RYK: variants seen among roughly 807,000 people sequenced by gnomAD.
RYK encodes inactive tyrosine-protein kinase RYK.
A neutral mutation model predicts 70.2 loss-of-function variants in RYK; 21 were observed. The observed-to-expected ratio is 0.30, with a 90% confidence interval of 0.21 to 0.43. The LOEUF is 0.43. Ranked by LOEUF, RYK falls within the 20% of genes least tolerant of loss-of-function variation. The pLI is 1.00. For synonymous variants in RYK, 267 were observed against 278.0 expected, an observed-to-expected ratio of 0.96 and a Z score of 0.39; for missense variants, 604 against 753.3, an observed-to-expected ratio of 0.80 and a Z score of 2.32.
In RYK at chr3:134,195,121, G is replaced by A. The variant is rs954751009; in HGVS notation, c.850C>T (p.Leu284=). ...GCATTGTTGGGCGTGTCTGCTCTCA[G>A]ATACTGAGTCGTCTGGGTGGATGGC... ...SQPSTQTTQY[L]RADTPNNATP... is the part of the protein sequence containing the mutation. Residue 284 remains leucine (L), a synonymous_variant, in exon 7 of 15, where the codon CTG becomes TTG. Transcript: ENST00000623711. 4.3e-6 allele frequency: 7 copies of A among 1,613,528 alleles called. No individual in the cohort carries two copies. The African/African-American group carries it at 9.3e-5, about 22-fold the overall frequency.
At chr3:134,239,296 C>G (rs1017981917) in intron 1 of RYK, among the ~76,000 whole-genome samples, 1 of 151,344 alleles carries the variant, frequency 6.6e-6, no homozygotes, top group African/African-American at 2.4e-5. Flanking sequence ...CTCATCTATA[C>G]AAAAAAAAAT....
rs574005537 is a variant in RYK, at chr3:134,171,207, T to C, written c.1575+4402A>G. The C allele has an allele frequency of 2.0e-5, 3 of 152,346 alleles. No individual in the cohort carries two copies. The South Asian group carries it at 6.2e-4, about 32-fold the overall frequency. The allele number at this position is 152,346 out of a possible 1,614,324, so 9.4% of individuals were successfully genotyped here. ...GCTGCCACATGAACAAGCAACTAAG[T>C]ATTTGGTGTAACTGCATTCTGATGA... On this transcript the variant is annotated intron_variant, in intron 13 of 14. Coordinates refer to ENST00000623711, the MANE Select transcript of RYK (RefSeq NM_002958.4).
chr3:134,227,797 G>A (rs1333045853), intron 1 of RYK, among the ~76,000 whole-genome samples: 1 of 152,112 alleles, frequency 6.6e-6, no homozygotes, highest in Non-Finnish European at 1.5e-5. Flanking sequence ...AGCCTCCCAA[G>A]TAGCTGGGAC....
intron 6 of RYK, among the ~76,000 whole-genome samples, chr3:134,201,178 C>A (rs1423992026): frequency 6.6e-6 from 1 of 152,232 alleles, no homozygotes; most frequent in Non-Finnish European, 1.5e-5. Context: ...AAAATCTAAA[C>A]CTAACTTCAC....
intron 5 of RYK, among the ~76,000 whole-genome samples, chr3:134,206,568 G>C (rs2014218306): frequency 1.3e-5 from 2 of 152,124 alleles, no homozygotes; most frequent in Admixed American, 1.3e-4. Flanking sequence ...CTATCTATTG[G>C]AGATACTAAG....
chr3:134,217,044 A>C (rs1448684288), intron 2 of RYK, among the ~76,000 whole-genome samples: 1 of 152,180 alleles, frequency 6.6e-6, no homozygotes, highest in Non-Finnish European at 1.5e-5. Flanking sequence ...CTATGCGCTA[A>C]GAGTAAGACA....
intron 1 of RYK, among the ~76,000 whole-genome samples, chr3:134,237,532 G>A (rs1352956147): frequency 2.0e-5 from 3 of 152,156 alleles, no homozygotes; most frequent in Admixed American, 1.3e-4. Context: ...TAAAGAAAAT[G>A]TCAAGAACCA....
chr3:134,162,356 C>T (rs957177092), intron 13 of RYK, among the ~76,000 whole-genome samples: 1 of 151,812 alleles, frequency 6.6e-6, no homozygotes, highest in African/African-American at 2.4e-5. Flanking sequence ...AGCAGCATTA[C>T]CCTAAATACC....
intron 1 of RYK, among the ~76,000 whole-genome samples, chr3:134,241,877 G>A (rs988639816): frequency 1.3e-5 from 2 of 152,190 alleles, no homozygotes; most frequent in African/African-American, 4.8e-5. Flanking sequence ...ACTTCCTATG[G>A]TTGATAAAAG....
intron 1 of RYK, among the ~76,000 whole-genome samples, chr3:134,227,295 A>G (rs1235003915): frequency 1.3e-5 from 2 of 152,228 alleles, no homozygotes; most frequent in African/African-American, 2.4e-5. Context: ...GTGGAGAGAC[A>G]TACTGTACCA....
intron 13 of RYK, among the ~76,000 whole-genome samples, chr3:134,168,609 C>G (rs528595697): frequency 4.4e-4 from 2 of 4,496 alleles, no homozygotes; most frequent in Non-Finnish European, 7.8e-3. Flanking sequence ...CATCACACAC[C>G]GGGGCCTTCG....
At chr3:134,203,382 G>A (rs2014091973) in intron 5 of RYK, among the ~76,000 whole-genome samples, 1 of 152,022 alleles carries the variant, frequency 6.6e-6, no homozygotes, top group Non-Finnish European at 1.5e-5. Context: ...ATCTAATCAA[G>A]TGCAAAATCT....
intron 13 of RYK, 108 bp from the exon 14 acceptor site, chr3:134,159,481 G>A (rs2012377419): frequency 9.4e-7 from 1 of 1,066,706 alleles, no homozygotes; most frequent in Non-Finnish European, 1.3e-6. Flanking sequence ...CTCATGCTTT[G>A]GAAAAGCGAA....
chr3:134,159,699 C>T (rs2108137521), intron 13 of RYK, among the ~76,000 whole-genome samples: 1 of 152,186 alleles, frequency 6.6e-6, no homozygotes, highest in African/African-American at 2.4e-5. Flanking sequence ...TATAGCTAGT[C>T]TGCATAATTG....
At chr3:134,214,087 G>A (rs576704686) in intron 2 of RYK, among the ~76,000 whole-genome samples, 1 of 152,258 alleles carries the variant, frequency 6.6e-6, no homozygotes, top group African/African-American at 2.4e-5. Context: ...GATTACAGGT[G>A]TGAGCCACCG....
chr3:134,202,815 C>T lies in RYK; in HGVS notation c.703G>A (p.Val235Ile). ...ACGAGAAATATTACTGCACAACAAA[C>T]CCCTACACTAATATAAAACACACGC... Reference protein sequence around the residue: ...STRVFYISVGVCCAVIFLVAI... With the variant: ...STRVFYISVGICCAVIFLVAI... Residue 235 changes from valine to isoleucine, a missense_variant, in exon 6 of 15, where the codon GTT (valine) becomes ATT (isoleucine). This residue lies in a region of RYK where 466 missense variants were observed against 535.9 expected (regional missense o/e 0.87). Coordinates refer to ENST00000623711, the MANE Select transcript of RYK (RefSeq NM_002958.4). 6.2e-7 allele frequency: 1 copy of T among 1,613,536 alleles called. No individual in the cohort carries two copies. The highest frequency in any genetic ancestry group is 8.5e-7 in the Non-Finnish European group (1 of 1,179,576).
intron 2 of RYK, among the ~76,000 whole-genome samples, chr3:134,213,547 T>C (rs1190939297): frequency 1.3e-5 from 2 of 152,104 alleles, no homozygotes; most frequent in South Asian, 2.1e-4. Context: ...GTTGCAGGCC[T>C]TCTGTTTTTT....
In RYK at chr3:134,248,407, G is replaced by C. The variant is rs143730198; in HGVS notation, c.232+2016C>G. ...ATAAGGTAACAAATATATAACTCAA[G>C]TGCTAATTAGCAATGATTTATTTTC... On this transcript the variant is annotated intron_variant, in intron 1 of 14. Coordinates refer to ENST00000623711, the MANE Select transcript of RYK (RefSeq NM_002958.4). Among the ~76,000 whole-genome samples the C allele has an allele frequency of 6.6e-4, 100 of 152,204 alleles. 3 individuals carry two copies. In the East Asian group the frequency reaches 0.019, roughly 29 times the overall value.
intron 8 of RYK, among the ~76,000 whole-genome samples, chr3:134,191,624 C>T (rs1290842069): frequency 2.0e-5 from 3 of 152,144 alleles, no homozygotes; most frequent in African/African-American, 7.2e-5. Context: ...CAATAATATA[C>T]GTGCTTTAAT....
Sources: allele counts gnomAD v4.1 joint callset (sites outside exome capture counted in the v4.1 genomes callset), GRCh38; gene constraint gnomAD v4.1.1; regional missense constraint gnomAD v4.1.1; transcripts MANE v1.5; gene names NCBI Gene and HGNC (gene_info 2026-07-23, HGNC 2026-07-21).